Variants in MICAL2 observed in about 807,000 individuals in gnomAD.
MICAL2 encodes the protein microtubule associated monooxygenase, calponin and LIM domain containing 2.
Under a neutral mutation model 127.3 loss-of-function variants are expected in MICAL2, and 77 were observed. The observed-to-expected ratio is 0.60, with a 90% CI of 0.50 to 0.73. The LOEUF is 0.73. MICAL2 is among the 30% of genes least tolerant of loss of function. The probability of loss-of-function intolerance (pLI) is 0.00; values close to 1 mark genes in which losing one functional copy is unlikely to be tolerated. For synonymous variants in MICAL2, 570 were observed against 551.1 expected (o/e 1.03, Z -0.48); for missense variants, 1,351 against 1,434.4 (o/e 0.94, Z 0.94).
rs1860165387 is a variant in MICAL2, at chr11:12,242,788, T to C, written c.2658+16T>C. ...TTTCCCGCAGGTAAACATGGGGCTT[T>C]CAGAGCCCCCAGGAACCTGATGCTG... On this transcript the variant is annotated intron_variant, in intron 20 of 27. Transcript: ENST00000683283. The C allele has an allele frequency of 1.3e-6, 2 of 1,583,174 alleles. No homozygotes were observed. The highest frequency in any genetic ancestry group is 1.7e-6 in the Non-Finnish European group (2 of 1,163,978).
At chr11:12,130,948 T>G (rs1223194012) in intron 1 of MICAL2, among the ~76,000 whole-genome samples, 1 of 152,098 alleles carries the variant, frequency 6.6e-6, no homozygotes, top group Non-Finnish European at 1.5e-5. Flanking sequence ...TCTGTGATGG[T>G]CGCATGACTG....
intron 32 of MICAL2, among the ~76,000 whole-genome samples, chr11:12,347,883 G>T (rs1938981449): frequency 6.6e-6 from 1 of 152,116 alleles, no homozygotes; most frequent in Non-Finnish European, 1.5e-5. Context: ...GCCAGGCACG[G>T]TGGCTCACAC....
chr11:12,294,877 T>G (rs1863965805), downstream of MICAL2: 1 of 1,452,870 alleles, frequency 6.9e-7, no homozygotes, highest in African/African-American at 1.5e-5. Flanking sequence ...TCTGTCCTGA[T>G]AAATGTCTGC....
chr11:12,261,033 C>A, intron 26 of MICAL2: 1 of 985,520 alleles, frequency 1.0e-6, no homozygotes, highest in Non-Finnish European at 1.2e-6. Context: ...CCAGCGGATC[C>A]CCCAGCCCGG....
intron 24 of MICAL2, among the ~76,000 whole-genome samples, chr11:12,268,918 G>A (rs892867283): frequency 6.6e-6 from 1 of 152,036 alleles, no homozygotes; most frequent in Non-Finnish European, 1.5e-5. Context: ...AGAATGGTGT[G>A]AACCCGGGAG....
At chr11:12,222,485 A>G (rs1856938912) in intron 10 of MICAL2, 132 bp from the exon 11 acceptor site, 2 of 1,222,114 alleles carry the variant, frequency 1.6e-6, no homozygotes, top group Non-Finnish European at 2.3e-6. Context: ...AGAGTCAGGT[A>G]TTTCAGGGAA....
intron 22 of MICAL2, among the ~76,000 whole-genome samples, chr11:12,251,652 G>C (rs147978491): frequency 1.6e-4 from 24 of 151,676 alleles, no homozygotes; most frequent in African/African-American, 5.8e-4. Context: ...CGGGGAGAAA[G>C]GGGGCTTTTG....
intron 3 of MICAL2, among the ~76,000 whole-genome samples, chr11:12,171,712 G>A (rs1328291992): frequency 6.6e-6 from 1 of 152,124 alleles, no homozygotes; most frequent in Non-Finnish European, 1.5e-5. Flanking sequence ...TGTTTTTAAG[G>A]AGAAGTGAGG....
chr11:12,204,383 C>G lies in MICAL2; in HGVS notation c.398C>G (p.Thr133Ser), dbSNP rs1366649881. The G allele has an allele frequency of 6.2e-7, 1 of 1,612,618 alleles. No individual in the cohort carries two copies. Among genetic ancestry groups the G allele is most frequent in the Non-Finnish European group, 8.5e-7 (1 of 1,179,050 alleles). ...RNNVLHLWPFTIHDLRGLGAK... is the reference protein window; with the variant it reads ...RNNVLHLWPFSIHDLRGLGAK... ...AACGTGCTACACCTCTGGCCTTTCA[C>G]CATCCATGACCTTCGTGGCCTGGGA... Residue 133 changes from threonine (T) to serine (S), a missense_variant, in exon 4 of 28, where the codon ACC becomes AGC. By Grantham distance (58) the Thr-to-Ser change is moderately conservative. Around this residue, in one of 2 missense-constraint regions of MICAL2, gnomAD observed 599 missense variants for 714.9 expected, o/e 0.84. Coordinates refer to ENST00000683283, the MANE Select transcript of MICAL2 (RefSeq NM_001282663.2).
At chr11:12,208,262 C>A in intron 5 of MICAL2, 123 bp downstream of exon 5, 1 of 713,070 alleles carries the variant, frequency 1.4e-6, no homozygotes, top group Non-Finnish European at 2.4e-6. Context: ...GGCATAATGC[C>A]ACTGAAGGGT....
chr11:12,321,812 G>A (rs1175597026), intron 30 of MICAL2, among the ~76,000 whole-genome samples: 1 of 152,096 alleles, frequency 6.6e-6, no homozygotes, highest in Non-Finnish European at 1.5e-5. Context: ...ACCACATGAT[G>A]CTGTTGAGGC....
intron 18 of MICAL2, 157 bp from the exon 19 acceptor site, chr11:12,242,057 G>A: frequency 1.7e-6 from 1 of 597,634 alleles, no homozygotes; most frequent in East Asian, 2.9e-5. Flanking sequence ...TTTTGATGCA[G>A]GTGGTGGAGA....
chr11:12,207,128 C>G (rs1025898455), intron 4 of MICAL2, among the ~76,000 whole-genome samples: 10 of 152,108 alleles, frequency 6.6e-5, no homozygotes, highest in Non-Finnish European at 1.2e-4. Context: ...CCCTTCCTCT[C>G]TCTGTGGGAT....
At chr11:12,317,149 C>T (rs1341262479) in intron 29 of MICAL2, among the ~76,000 whole-genome samples, 1 of 152,206 alleles carries the variant, frequency 6.6e-6, no homozygotes, top group Admixed American at 6.5e-5. Context: ...TCCCTCTTCT[C>T]CAATACTCTG....
intron 32 of MICAL2, among the ~76,000 whole-genome samples, chr11:12,345,773 A>C (rs1005211864): frequency 2.6e-5 from 4 of 152,296 alleles, no homozygotes; most frequent in African/African-American, 7.2e-5. Context: ...GACTTCTGCA[A>C]TCTCTGGGCA....
rs186783715 is a variant in MICAL2, at chr11:12,234,819, G to T, written c.1996-1358G>T. ...TGGGGCACCCGTAGCTAGGGTTGTT[G>T]TTTCAGACAACCAGGAGGTAAAAGA... On this transcript the variant is annotated intron_variant, in intron 15 of 27. Transcript: ENST00000683283. 1.4e-4 allele frequency among the ~76,000 whole-genome samples: 22 copies of T among 152,310 alleles called. No individual in the cohort carries two copies. The East Asian group carries it at 3.9e-3, about 27-fold the overall frequency.
downstream of MICAL2, chr11:12,294,696 A>T (rs1590725876): frequency 6.2e-7 from 1 of 1,614,002 alleles, no homozygotes; most frequent in South Asian, 1.1e-5. Flanking sequence ...GACATCAGGG[A>T]CCTCTTTGGC....
At chr11:12,322,839 A>G (rs1295907931) in intron 30 of MICAL2, among the ~76,000 whole-genome samples, 2 of 152,214 alleles carry the variant, frequency 1.3e-5, no homozygotes, top group African/African-American at 4.8e-5. Flanking sequence ...TGCTATTAGT[A>G]TTTACTGAGT....
chr11:12,160,612 C>T (rs963214286), intron 2 of MICAL2, among the ~76,000 whole-genome samples: 2 of 152,210 alleles, frequency 1.3e-5, no homozygotes, highest in Non-Finnish European at 1.5e-5. Flanking sequence ...ACTGCCCAGT[C>T]TTCTAGTAAA....
Sources: gnomAD v4.1 joint callset for allele counts (sites outside exome capture counted in the v4.1 genomes callset) on GRCh38, gnomAD v4.1.1 for gene constraint, gnomAD v4.1.1 regional missense constraint, MANE v1.5 for transcripts, NCBI Gene and HGNC (gene_info 2026-07-23, HGNC 2026-07-21) for gene names.